The following SCRIB variants were observed in gnomAD, a reference collection of about 807,000 sequenced individuals.
SCRIB encodes protein scribble homolog.
A neutral mutation model predicts 170.0 loss-of-function variants in SCRIB; 72 were observed. The observed-to-expected ratio is 0.42, with a 90% confidence interval of 0.35 to 0.52. The LOEUF is 0.52. SCRIB is among the 20% of genes least tolerant of loss of function. The pLI, the probability that SCRIB is intolerant of heterozygous loss-of-function variation, is 0.02. For synonymous variants in SCRIB, 1,298 were observed against 1,044.3 expected (o/e 1.24, Z -4.68); for missense variants, 2,475 against 2,338.5 (o/e 1.06, Z -1.20).
At chr8:143,806,643 G>A (rs1383998132) in intron 17 of SCRIB, among the ~76,000 whole-genome samples, 159 bp from the exon 18 acceptor site, 1 of 152,248 alleles carries the variant, frequency 6.6e-6, no homozygotes, top group African/African-American at 2.4e-5. Context: ...CTGAGTGCCA[G>A]GGGGTTAGAA....
Position 143,808,837 on chromosome 8 carries a change from C to T in SCRIB, c.1887G>A (p.Leu629=). 2 of 1,611,426 alleles carry T rather than the reference C, an allele frequency of 1.2e-6. No homozygotes were observed. The highest frequency in any genetic ancestry group is 8.5e-7 in the Non-Finnish European group (1 of 1,179,802). Residue 629 remains leucine, a synonymous_variant, in exon 15 of 37, where the codon CTG becomes CTA. Coordinates refer to ENST00000356994, the MANE Select transcript of SCRIB (RefSeq NM_182706.5). ...CCTCCCCATCAGGCTGCATGCCCTG[C>T]AGCAGAGCCACAACGGCCTCGGGCT... The part of the protein sequence containing the change: ...LPQPEAVVAL[L]QGMQPDGEGP...
chr8:143,815,199 C>A lies in SCRIB; in HGVS notation c.159+15G>T. The A allele has an allele frequency of 6.4e-7, 1 of 1,554,642 alleles. No individual in the cohort carries two copies. The highest frequency in any genetic ancestry group is 1.2e-5 in the South Asian group (1 of 86,314). The stretch of plus-strand genomic sequence containing the variant: ...GGGGCGCGCCTTTGGGCGGCAGGTG[C>A]GGGCGGCCGCTCACCTTGGGCAGCT... On this transcript the variant is annotated intron_variant, in intron 1 of 36. Coordinates refer to ENST00000356994, the MANE Select transcript of SCRIB (RefSeq NM_182706.5).
chr8:143,803,729 A>G lies in SCRIB; in HGVS notation c.3332T>C (p.Leu1111Pro). 6.3e-7 allele frequency: 1 copy of G among 1,596,876 alleles called. No individual in the cohort carries two copies. Among genetic ancestry groups the G allele is most frequent in the African/African-American group, 1.3e-5 (1 of 74,922 alleles). The change falls in exon 23 of 37, where the codon CTG (leucine) becomes CCG (proline). Residue 1111 changes from leucine (L) to proline (P), a missense_variant. Physicochemically the swap from Leu to Pro is moderately conservative, Grantham distance 98 (BLOSUM62 -3). This residue lies in a region of SCRIB where 1,966 missense variants were observed against 1,742.9 expected (regional missense o/e 1.13). Transcript: ENST00000356994. ...LCIQKAPGER[L>P]GISIRGGARG... ...GGCACCCCCGCGGATGCTGATGCCC[A>G]GCCTCTCCCCAGGTGCCTTCTGGAT...
chr8:143,815,008 C>T, intron 1 of SCRIB: 2 of 549,198 alleles, frequency 3.6e-6, no homozygotes, highest in Non-Finnish European at 6.1e-6. Context: ...TCGCTATCCC[C>T]AGGCAAGCAC....
chr8:143,793,786 C>A, intron 28 of SCRIB, 114 bp downstream of exon 28: 2 of 1,030,288 alleles, frequency 1.9e-6, no homozygotes, highest in Non-Finnish European at 2.9e-6. Context: ...GAGTCAACAG[C>A]ACCCCACGAT....
Position 143,792,566 on chromosome 8 carries a change from A to G in SCRIB, c.4247T>C (p.Leu1416Pro). 6.3e-7 allele frequency: 1 copy of G among 1,574,824 alleles called. No individual in the cohort carries two copies. The highest frequency in any genetic ancestry group is 2.3e-5 in the East Asian group (1 of 43,648). Residue 1416 changes from leucine to proline, a missense_variant, in exon 31 of 37, where the codon CTC becomes CCC. Transcript: ENST00000356994. ...GCCCAGCGTCTCCCCGTCCAGGGCG[A>G]GCCTCGCTTCGGCCCCAGCCTCTGC... ...EAAEAGAEAR[L>P]ALDGETLGEE...
At position 143,792,341 on chromosome 8, in the gene SCRIB, G is replaced by T; in HGVS notation, c.4393C>A (p.Arg1465=). 1 of 1,542,728 alleles carries T rather than the reference G, an allele frequency of 6.5e-7. No homozygotes were observed. The highest frequency in any genetic ancestry group is 1.2e-5 in the South Asian group (1 of 84,946). Residue 1465 remains arginine, a synonymous_variant, in exon 32 of 37, where the codon CGG becomes AGG. Coordinates refer to ENST00000356994, the MANE Select transcript of SCRIB (RefSeq NM_182706.5). ...GAPVRTAKAE[R]RHQERLRVQS... ...ACGCGCAGCCGCTCCTGGTGGCGCCGTTCAGCTTTGGCCGTCCGCACCGGG... is the reference window on the plus strand; with the variant it reads ...ACGCGCAGCCGCTCCTGGTGGCGCCTTTCAGCTTTGGCCGTCCGCACCGGG...
Position 143,798,016 on chromosome 8 carries a change from G to A in SCRIB, c.3604-2486C>T, listed in dbSNP as rs144228618. Among the ~76,000 whole-genome samples, 11 of 152,348 alleles carry A rather than the reference G, an allele frequency of 7.2e-5. No homozygotes were observed. In the East Asian group the frequency reaches 1.9e-3, roughly 27 times the overall value. ...TAAACCAAAACTAATAAAGATGGTA[G>A]TCTGGGAGCAGAGAGATGGAGGCCG... On this transcript the variant is annotated intron_variant, in intron 24 of 36. Transcript: ENST00000356994.
Position 143,803,928 on chromosome 8 carries a change from C to T in SCRIB, c.3133G>A (p.Gly1045Ser). 1 of 1,581,856 alleles carries T rather than the reference C, an allele frequency of 6.3e-7. No homozygotes were observed. The highest frequency in any genetic ancestry group is 8.6e-7 in the Non-Finnish European group (1 of 1,162,594). ...CGCAGGCCGCTGCGAGCGGCCAGGC[C>T]CCGCGGGAGCACCTGTCAGGGAGGA... ...GVFISKVLPR[G>S]LAARSGLRVG... Residue 1045 changes from glycine (G) to serine (S), a missense_variant, in exon 23 of 37, where the codon GGC (glycine) becomes AGC (serine). Around this residue, in one of 3 missense-constraint regions of SCRIB, gnomAD observed 1,966 missense variants for 1,742.9 expected, o/e 1.13. Transcript: ENST00000356994.
At chr8:143,797,568 A>G (rs1297532717) in intron 24 of SCRIB, among the ~76,000 whole-genome samples, 2 of 152,224 alleles carry the variant, frequency 1.3e-5, no homozygotes, top group African/African-American at 4.8e-5. Context: ...TGCAGGGGGA[A>G]ACCTGGCTGA....
intron 24 of SCRIB, among the ~76,000 whole-genome samples, chr8:143,799,388 C>T (rs998302239): frequency 2.6e-5 from 4 of 152,214 alleles, no homozygotes; most frequent in African/African-American, 9.6e-5. Context: ...CAGAAGCTGG[C>T]TCTGACAAGC....
Position 143,803,809 on chromosome 8 carries a change from C to T in SCRIB, c.3252G>A (p.Glu1084=). 1 of 1,604,392 alleles carries T rather than the reference C, an allele frequency of 6.2e-7. No individual in the cohort carries two copies. The highest frequency in any genetic ancestry group is 2.2e-5 in the East Asian group (1 of 44,802). Residue 1084 remains glutamate (E), a synonymous_variant, in exon 23 of 37, where the codon GAG becomes GAA. Transcript: ENST00000356994. ...AVSALLRPCL[E]LSLLVRRDPA... The stretch of plus-strand genomic sequence containing the variant: ...GGTCCCTCCGCACCAGCAGCGACAG[C>T]TCCAGGCAGGGCCGGAGCAGGGCAC...
At position 143,792,286 on chromosome 8, in the gene SCRIB, C is replaced by T. The variant is rs1001927784; in HGVS notation, c.4448G>A (p.Arg1483His). Residue 1483 changes from arginine to histidine, a missense_variant, in exon 32 of 37, where the codon CGT becomes CAT. Coordinates refer to ENST00000356994, the MANE Select transcript of SCRIB (RefSeq NM_182706.5). ...CCGGAGCTCGGCAGGGGACAGGGCA[C>T]GCTCGGGTGCCGGTGGCTCCGGACT... is the stretch of plus-strand genomic sequence containing the variant. ...VQSPEPPAPE[R>H]ALSPAELRAL... 29 of 1,564,716 alleles carry T rather than the reference C, an allele frequency of 1.9e-5. No homozygotes were observed. Among genetic ancestry groups the T allele is most frequent in the Non-Finnish European group, 2.1e-5 (24 of 1,162,764 alleles).
At position 143,795,430 on chromosome 8, in the gene SCRIB, C is replaced by T. The variant is rs1433129683; in HGVS notation, c.3704G>A (p.Gly1235Asp). The change falls in exon 25 of 37, where the codon GGC (glycine) becomes GAC (aspartate). Residue 1235 changes from glycine (G) to aspartate (D), a missense_variant. Around this residue, in one of 3 missense-constraint regions of SCRIB, gnomAD observed 1,966 missense variants for 1,742.9 expected, o/e 1.13. Coordinates refer to ENST00000356994, the MANE Select transcript of SCRIB (RefSeq NM_182706.5). ...GCAGGCACCTCTGACCTTGCCTGGG[C>T]CCTCAGGGCTCAGCTCCCGGTCGAT... ...SSIDRELSPE[G>D]PGKEKELPGQ... is the part of the protein sequence containing the mutation. 1.9e-6 allele frequency: 3 copies of T among 1,612,934 alleles called. No homozygotes were observed. In the African/African-American group the frequency reaches 4.0e-5, roughly 22 times the overall value.
rs750092413 is a variant in SCRIB, at chr8:143,810,729, G to C, written c.1361C>G (p.Pro454Arg). The C allele has an allele frequency of 3.1e-6, 5 of 1,608,928 alleles. No individual in the cohort carries two copies. The highest frequency in any genetic ancestry group is 4.2e-6 in the Non-Finnish European group (5 of 1,177,758). ...RVSVIQFLEAPIGDEDAEEAA... is the reference protein window; with the variant it reads ...RVSVIQFLEARIGDEDAEEAA... ...TTCCTCAGCGTCCTCATCACCTATG[G>C]GGGCCTCCAGGAACTGGATGACGCT... Residue 454 changes from proline to arginine, a missense_variant, in exon 12 of 37, where the codon CCC (proline) becomes CGC (arginine). Coordinates refer to ENST00000356994, the MANE Select transcript of SCRIB (RefSeq NM_182706.5).
At chr8:143,811,843 C>A (rs377724588) in intron 9 of SCRIB, among the ~76,000 whole-genome samples, 3 of 152,178 alleles carry the variant, frequency 2.0e-5, no homozygotes, top group Non-Finnish European at 2.9e-5. Context: ...TGTTTCCCAG[C>A]CTGGGGATGG....
intron 24 of SCRIB, among the ~76,000 whole-genome samples, chr8:143,801,899 C>T (rs1458220094): frequency 6.6e-6 from 1 of 152,208 alleles, no homozygotes; most frequent in East Asian, 1.9e-4. Flanking sequence ...CATGTCACGG[C>T]AGGCTCGTGG....
intron 1 of SCRIB, among the ~76,000 whole-genome samples, chr8:143,814,537 AAC>A (rs1472799172): frequency 2.6e-5 from 4 of 152,100 alleles, no homozygotes; most frequent in Non-Finnish European, 4.4e-5. Flanking sequence ...TCCCCACAAT[AAC>A]ACAGTACCAC....
In SCRIB at chr8:143,812,343, G is replaced by C. The variant is rs904543301; in HGVS notation, c.829C>G (p.Arg277Gly). 1 of 1,613,640 alleles carries C rather than the reference G, an allele frequency of 6.2e-7. No homozygotes were observed. Among genetic ancestry groups the C allele is most frequent in the African/African-American group, 1.3e-5 (1 of 74,908 alleles). Reference protein sequence around the residue: ...QLSILKVDQNRLCEVTEAIGD... With the variant: ...QLSILKVDQNGLCEVTEAIGD... ...ATGGCCTCGGTCACCTCGCACAGCC[G>C]ATTCTGGTCTACCTTTAGGATGGAT... Residue 277 changes from arginine (R) to glycine (G), a missense_variant, in exon 9 of 37, where the codon CGG becomes GGG. Transcript: ENST00000356994.
Sources: allele counts gnomAD v4.1 joint callset (sites outside exome capture counted in the v4.1 genomes callset), GRCh38; gene constraint gnomAD v4.1.1; regional missense constraint gnomAD v4.1.1; transcripts MANE v1.5; gene names NCBI Gene and HGNC (gene_info 2026-07-23, HGNC 2026-07-21).